Variants in ATG7 observed in about 807,000 individuals in gnomAD.
The protein encoded by ATG7 is ubiquitin-like modifier-activating enzyme ATG7.
ATG7 carries 70 observed loss-of-function variants against 82.4 expected under a neutral mutation model. The ratio of observed to expected loss-of-function variants is 0.85; its 90% CI spans 0.70 to 1.04. The LOEUF is 1.04. ATG7 is among the 50% of genes least tolerant of loss of function. The pLI is 0.00. For missense variants in ATG7, 792 were observed against 864.3 expected, an observed-to-expected ratio of 0.92 and a Z score of 1.05; for synonymous variants, 287 against 313.0, an observed-to-expected ratio of 0.92 and a Z score of 0.88.
At chr3:11,341,818 A>G (rs1953689006) in intron 12 of ATG7, among the ~76,000 whole-genome samples, 3 of 152,040 alleles carry the variant, frequency 2.0e-5, no homozygotes, top group Admixed American at 1.3e-4. Context: ...TACTAGGAAA[A>G]ACTTTCCTCT....
In ATG7 at chr3:11,556,904, T is replaced by C. The variant is rs9881151; in HGVS notation, c.*2061T>C. On this transcript the variant is annotated 3_prime_UTR_variant, in exon 21 of 21. Transcript: ENST00000693202. ...GAGAAGGGCTTTTCTTTCCTCCACTTTTCAAAGGCCTGCAGCCACTCTGTG... is the reference window on the plus strand; with the variant it reads ...GAGAAGGGCTTTTCTTTCCTCCACTCTTCAAAGGCCTGCAGCCACTCTGTG... 0.025 allele frequency: 3,781 copies of C among 152,820 alleles called. 61 individuals are homozygous for C. Among genetic ancestry groups the C allele is most frequent in the Middle Eastern group, 0.044 (13 of 294 alleles). The allele number at this position is 152,820 out of a possible 1,614,324, so 9.5% of individuals were successfully genotyped here. A position where few individuals can be genotyped will look rare whatever the true frequency, so the allele number is the denominator to read the frequency against.
At chr3:11,341,140 C>A (rs554337155) in intron 12 of ATG7, among the ~76,000 whole-genome samples, 2 of 151,452 alleles carry the variant, frequency 1.3e-5, no homozygotes, top group Non-Finnish European at 2.9e-5. Flanking sequence ...CTGCTCACTG[C>A]AACCTCTGCC....
intron 5 of ATG7, among the ~76,000 whole-genome samples, chr3:11,302,631 G>T (rs1946969544): frequency 6.6e-6 from 1 of 152,206 alleles, no homozygotes; most frequent in East Asian, 1.9e-4. Context: ...GCATGGAGAG[G>T]TAATCATTAT....
intron 20 of ATG7, among the ~76,000 whole-genome samples, chr3:11,468,706 G>A (rs925286911): frequency 2.6e-5 from 4 of 152,134 alleles, no homozygotes; most frequent in East Asian, 1.9e-4. Flanking sequence ...AATGCCTGTG[G>A]GACCACAGGT....
intron 13 of ATG7, among the ~76,000 whole-genome samples, chr3:11,344,594 C>T (rs111484572): frequency 6.6e-6 from 1 of 152,132 alleles, no homozygotes; most frequent in African/African-American, 2.4e-5. Context: ...TGGCCGGGCA[C>T]GGTGGCTCAC....
At chr3:11,309,158 C>T in intron 7 of ATG7, 97 bp downstream of exon 7, 2 of 1,172,570 alleles carry the variant, frequency 1.7e-6, no homozygotes, top group Non-Finnish European at 2.6e-6. Context: ...TCCGAAGCTA[C>T]TACCTTCTGT....
chr3:11,531,692 C>A (rs1036409128), intron 20 of ATG7, among the ~76,000 whole-genome samples: 1 of 151,966 alleles, frequency 6.6e-6, no homozygotes, highest in Non-Finnish European at 1.5e-5. Context: ...GGCAACATGG[C>A]AAAACCCTGT....
rs1439431747 is a variant in ATG7, at chr3:11,388,247, G to T, written c.1956+8195G>T. On this transcript the variant is annotated intron_variant, in intron 19 of 20. Transcript: ENST00000693202. The stretch of plus-strand genomic sequence containing the variant: ...ATTTACCACTAGTTTTTGTGTCTCT[G>T]AGATTGTGTAGTCTCTTGATCAACT... Among the ~76,000 whole-genome samples, 3 of 152,194 alleles carry T rather than the reference G, an allele frequency of 2.0e-5. No homozygotes were observed. In the East Asian group the frequency reaches 5.8e-4, roughly 29 times the overall value.
intron 20 of ATG7, among the ~76,000 whole-genome samples, chr3:11,449,112 C>T (rs1272947916): frequency 6.6e-6 from 1 of 152,192 alleles, no homozygotes; most frequent in Non-Finnish European, 1.5e-5. Flanking sequence ...AACAGACAAG[C>T]CTTCAAACAT....
At chr3:11,290,253 T>A (rs1002539133) in intron 3 of ATG7, among the ~76,000 whole-genome samples, 3 of 152,226 alleles carry the variant, frequency 2.0e-5, no homozygotes, top group African/African-American at 4.8e-5. Flanking sequence ...AGGCAGTGAC[T>A]AAGGCCCTTT....
chr3:11,535,719 G>A (rs1352230698), intron 20 of ATG7, among the ~76,000 whole-genome samples: 3 of 152,116 alleles, frequency 2.0e-5, no homozygotes, highest in Admixed American at 2.0e-4. Context: ...GGGGGCGTGC[G>A]CTGGGGGGAG....
At chr3:11,501,721 C>T (rs1271225470) in intron 20 of ATG7, among the ~76,000 whole-genome samples, 1 of 151,912 alleles carries the variant, frequency 6.6e-6, no homozygotes, top group Non-Finnish European at 1.5e-5. Context: ...ACAGAGTCTC[C>T]CTCTGTTGCC....
At chr3:11,575,676 C>T in the ATG7 span, among the ~76,000 whole-genome samples, 1 of 152,242 alleles carries the variant, frequency 6.6e-6, no homozygotes, top group African/African-American at 2.4e-5. Context: ...TAGTTAGAGA[C>T]CTGTCGGAAA....
chr3:11,512,848 T>A (rs1247377461), intron 20 of ATG7, among the ~76,000 whole-genome samples: 1 of 152,118 alleles, frequency 6.6e-6, no homozygotes, highest in African/African-American at 2.4e-5. Context: ...TCCTGCTGAT[T>A]GGTCCATTTT....
chr3:11,417,130 G>A (rs949304045), intron 19 of ATG7, among the ~76,000 whole-genome samples: 1 of 152,198 alleles, frequency 6.6e-6, no homozygotes, highest in East Asian at 1.9e-4. Context: ...ATGTGAATGT[G>A]AGAAGAATGT....
chr3:11,535,974 A>G (rs1310258859), intron 20 of ATG7, among the ~76,000 whole-genome samples: 2 of 152,222 alleles, frequency 1.3e-5, no homozygotes, highest in Admixed American at 1.3e-4. Context: ...CAAACCAGCC[A>G]TCAGGCCATC....
At chr3:11,358,661 C>T (rs745781084) in intron 15 of ATG7, 49 bp downstream of exon 15, 4 of 1,572,342 alleles carry the variant, frequency 2.5e-6, no homozygotes, top group Non-Finnish European at 3.5e-6. Context: ...ACCACCACTC[C>T]AGAGGGAGGA....
intron 19 of ATG7, among the ~76,000 whole-genome samples, chr3:11,419,357 G>A (rs1451032643): frequency 1.3e-5 from 2 of 152,026 alleles, no homozygotes; most frequent in Non-Finnish European, 1.5e-5. Flanking sequence ...GTTCTGAGAC[G>A]AGCCTGGGCA....
At chr3:11,509,198 A>C (rs189735982) in intron 20 of ATG7, among the ~76,000 whole-genome samples, 3 of 152,230 alleles carry the variant, frequency 2.0e-5, no homozygotes, top group African/African-American at 7.2e-5. Context: ...CACATGGCCA[A>C]CAGCTTTTAG....
Sources: allele counts gnomAD v4.1 joint callset (sites outside exome capture counted in the v4.1 genomes callset), GRCh38; gene constraint gnomAD v4.1.1; transcripts MANE v1.5; gene names NCBI Gene and HGNC (gene_info 2026-07-23, HGNC 2026-07-21).